The following ST3GAL3 variants were observed in gnomAD, a reference collection of about 807,000 sequenced individuals.
ST3GAL3 encodes the protein ST3 beta-galactoside alpha-2,3-sialyltransferase 3, also known as CMP-N-acetylneuraminate-beta-1,4-galactoside alpha-2,3-sialyltransferase.
ST3GAL3 carries 21 observed loss-of-function variants against 50.1 expected under a neutral mutation model. The ratio of observed to expected loss-of-function variants is 0.42; its 90% CI spans 0.30 to 0.60. The LOEUF (loss-of-function observed/expected upper bound fraction) is 0.60. ST3GAL3 is among the 20% of genes least tolerant of loss of function. The pLI, the probability that ST3GAL3 is intolerant of heterozygous loss-of-function variation, is 0.19. For missense variants in ST3GAL3, 353 were observed against 489.4 expected (o/e 0.72, Z 2.63); for synonymous variants, 183 against 190.0 (o/e 0.96, Z 0.30).
chr1:43,885,569 A>G (rs1374814223), intron 5 of ST3GAL3, among the ~76,000 whole-genome samples: 1 of 152,060 alleles, frequency 6.6e-6, no homozygotes, highest in Non-Finnish European at 1.5e-5. Context: ...CAGTCATTCT[A>G]TACCTTAAGG....
Position 43,848,320 on chromosome 1 carries a change from G to A in ST3GAL3, c.302+10009G>A, listed in dbSNP as rs1346567848. On this transcript the variant is annotated intron_variant, in intron 5 of 11. Transcript: ENST00000347631. ...TTTTTTTTTTTTTTTTTTTTTTGGCGTAGGGATGGAGTTTTGCTCTTGTTG... is the reference window on the plus strand; with the variant it reads ...TTTTTTTTTTTTTTTTTTTTTTGGCATAGGGATGGAGTTTTGCTCTTGTTG... Among the ~76,000 whole-genome samples the A allele has an allele frequency of 8.1e-5, 9 of 111,124 alleles. No individual in the cohort carries two copies. In the South Asian group the frequency reaches 8.5e-4, roughly 10 times the overall value. The allele number at this position is 111,124 out of a possible 152,430, so 72.9% of individuals were successfully genotyped here.
At chr1:43,852,543 A>G (rs532396505) in intron 5 of ST3GAL3, among the ~76,000 whole-genome samples, 22 of 152,372 alleles carry the variant, frequency 1.4e-4, no homozygotes, top group African/African-American at 5.0e-4. Flanking sequence ...AACACCTAGC[A>G]GAGCCTTTAG....
chr1:43,792,085 G>A lies in ST3GAL3; in HGVS notation c.119-17G>A. ...ATAAGAAGGAGAAAGAAATGAACTT[G>A]TCCTCTTGTGTTGCAGATTCAGTGG... On this transcript the variant is annotated splice_polypyrimidine_tract_variant and intron_variant, in intron 2 of 11. Transcript: ENST00000347631. 2 of 1,614,180 alleles carry A rather than the reference G, an allele frequency of 1.2e-6. No homozygotes were observed. Among genetic ancestry groups the A allele is most frequent in the East Asian group, 2.2e-5 (1 of 44,880 alleles).
chr1:43,715,137 A>G (rs994064387), intron 1 of ST3GAL3, among the ~76,000 whole-genome samples: 16 of 152,218 alleles, frequency 1.1e-4, no homozygotes, highest in African/African-American at 3.1e-4. Context: ...GATTTAAAGA[A>G]TGTAGCAGTT....
At chr1:43,753,374 G>A (rs1329919804) in intron 2 of ST3GAL3, among the ~76,000 whole-genome samples, 2 of 152,148 alleles carry the variant, frequency 1.3e-5, no homozygotes, top group African/African-American at 4.8e-5. Flanking sequence ...TTATTTTGTG[G>A]GTTTCTAGTA....
chr1:43,809,449 C>T (rs1050032378), intron 3 of ST3GAL3, among the ~76,000 whole-genome samples: 1 of 152,164 alleles, frequency 6.6e-6, no homozygotes, highest in African/African-American at 2.4e-5. Context: ...CATCTGTAAT[C>T]CCAGCACTTT....
chr1:43,804,686 CA>C (rs2059674677), intron 3 of ST3GAL3, among the ~76,000 whole-genome samples: 2 of 152,238 alleles, frequency 1.3e-5, no homozygotes, highest in South Asian at 4.2e-4. Context: ...GTGTGGCAGA[CA>C]GTTAGTTGCG....
intron 4 of ST3GAL3, 27 bp downstream of exon 4, chr1:43,814,960 C>T (rs200756786): frequency 6.2e-7 from 1 of 1,612,380 alleles, no homozygotes; most frequent in East Asian, 2.2e-5. Context: ...GATACCTTGG[C>T]TCTGTGGCAG....
intron 2 of ST3GAL3, among the ~76,000 whole-genome samples, chr1:43,763,379 A>G (rs1459275144): frequency 6.6e-6 from 1 of 152,150 alleles, no homozygotes; most frequent in Non-Finnish European, 1.5e-5. Flanking sequence ...ATTACGAGAT[A>G]CTGGGTTCTT....
chr1:43,724,864 G>T lies in ST3GAL3; in HGVS notation c.-30-11369G>T, dbSNP rs114975763. Among the ~76,000 whole-genome samples the T allele has an allele frequency of 1.9e-3, 294 of 152,326 alleles. 1 individual carries two copies. Among genetic ancestry groups the T allele is most frequent in the African/African-American group, 7.0e-3 (289 of 41,570 alleles). On this transcript the variant is annotated intron_variant, in intron 1 of 11. Transcript: ENST00000347631. ...CGGGAGGACTGTAAAGTGTCCAGTGGATGTGGCACTTACGAGGTCAGTGGT... is the reference window on the plus strand; with the variant it reads ...CGGGAGGACTGTAAAGTGTCCAGTGTATGTGGCACTTACGAGGTCAGTGGT...
At position 43,730,617 on chromosome 1, in the gene ST3GAL3, C is replaced by CG. The variant is rs1184723109; in HGVS notation, c.-30-5611dup. Among the ~76,000 whole-genome samples the CG allele has an allele frequency of 2.2e-5, 3 of 139,084 alleles. No homozygotes were observed. In the East Asian group the frequency reaches 6.2e-4, roughly 29 times the overall value. The allele number at this position is 139,084 out of a possible 152,430, so 91.2% of individuals were successfully genotyped here. A position where few individuals can be genotyped will look rare whatever the true frequency, so the allele number is the denominator to read the frequency against. ...ACAGAGTCTTGCTCTGTTGCCCAGG[C>CG]GGGGGTGTAGTGATGTCATAATGGC... is the stretch of plus-strand genomic sequence containing the variant. On this transcript the variant is annotated intron_variant, in intron 1 of 11. Transcript: ENST00000347631.
chr1:43,722,461 A>G (rs1380661090), intron 1 of ST3GAL3, among the ~76,000 whole-genome samples: 3 of 152,228 alleles, frequency 2.0e-5, no homozygotes, highest in South Asian at 2.1e-4. Context: ...TGGGAAATGT[A>G]TGAAGTTTAA....
At chr1:43,838,462 C>A in intron 5 of ST3GAL3, 151 bp downstream of exon 5, 1 of 732,110 alleles carries the variant, frequency 1.4e-6, no homozygotes, top group Non-Finnish European at 2.4e-6. Context: ...GGTTCCTACT[C>A]CAGTCCTACT....
intron 5 of ST3GAL3, among the ~76,000 whole-genome samples, chr1:43,854,518 C>G (rs577376780): frequency 6.6e-6 from 1 of 152,300 alleles, no homozygotes; most frequent in African/African-American, 2.4e-5. Flanking sequence ...CTGTGCCCAT[C>G]CTTAAATGTT....
At chr1:43,714,581 G>C (rs1481398295) in intron 1 of ST3GAL3, among the ~76,000 whole-genome samples, 1 of 152,106 alleles carries the variant, frequency 6.6e-6, no homozygotes, top group Non-Finnish European at 1.5e-5. Flanking sequence ...TTCCACCCTG[G>C]GCAGCAGAGC....
intron 5 of ST3GAL3, among the ~76,000 whole-genome samples, chr1:43,889,629 T>C (rs111325754): frequency 2.0e-5 from 3 of 152,354 alleles, no homozygotes; most frequent in African/African-American, 7.2e-5. Context: ...GTTAGTAGTA[T>C]ACTGGTATTG....
At chr1:43,916,672 TC>T (rs2081860809) in intron 9 of ST3GAL3, 1 of 152,238 alleles carries the variant, frequency 6.6e-6, no homozygotes, top group Non-Finnish European at 1.5e-5. Context: ...AGCCTAGAAT[TC>T]CTGAACTCGA....
intron 2 of ST3GAL3, among the ~76,000 whole-genome samples, chr1:43,754,066 TGCTCTCTCAGGTATTAAGATATTCTTAGA>T (rs1191766697): frequency 3.9e-5 from 6 of 152,352 alleles, no homozygotes; most frequent in African/African-American, 1.4e-4. Flanking sequence ...GAGAGGGTCT[TGCTCTCTCAGGTATTAAGATATTCTTAGA>T]GCCATACAAT....
intron 11 of ST3GAL3, among the ~76,000 whole-genome samples, chr1:43,924,906 TCTCCATTGTCC>T (rs1393990299): frequency 1.3e-5 from 2 of 152,144 alleles, no homozygotes; most frequent in African/African-American, 4.8e-5. Flanking sequence ...ACCTGCCATA[TCTCCATTGTCC>T]CTCCATTACA....
Sources: allele counts gnomAD v4.1 joint callset (sites outside exome capture counted in the v4.1 genomes callset), GRCh38; gene constraint gnomAD v4.1.1; transcripts MANE v1.5; gene names NCBI Gene and HGNC (gene_info 2026-07-23, HGNC 2026-07-21).